Variants in CSMD1 observed in about 807,000 individuals in gnomAD.
The protein encoded by CSMD1 is CUB and sushi domain-containing protein 1.
In CSMD1, 213 loss-of-function variants were observed where a neutral mutation model predicts 417.5. That is an observed-to-expected ratio of 0.51 (90% CI 0.46 to 0.57). CSMD1 has a LOEUF of 0.57. Ranked by LOEUF, CSMD1 falls within the 20% of genes least tolerant of loss-of-function variation. The probability of loss-of-function intolerance (pLI) is 0.00; values close to 1 mark genes in which losing one functional copy is unlikely to be tolerated. For missense variants in CSMD1, 6,923 were observed against 4,529.7 expected, an observed-to-expected ratio of 1.53 and a Z score of -15.17; for synonymous variants, 2,862 against 1,736.8, an observed-to-expected ratio of 1.65 and a Z score of -16.11.
At chr8:4,847,844 T>C (rs965010726) in intron 1 of CSMD1, among the ~76,000 whole-genome samples, 2 of 151,896 alleles carry the variant, frequency 1.3e-5, no homozygotes, top group Admixed American at 6.6e-5. Context: ...AAAGTATAAA[T>C]TTCAGTGTTT....
At chr8:4,629,644 C>T (rs1158438532) in intron 2 of CSMD1, among the ~76,000 whole-genome samples, 1 of 152,092 alleles carries the variant, frequency 6.6e-6, no homozygotes, top group African/African-American at 2.4e-5. Flanking sequence ...ACGTGTCCTG[C>T]CTAGAAAGAC....
chr8:3,382,601 T>C (rs1166781290), intron 18 of CSMD1, among the ~76,000 whole-genome samples: 1 of 142,124 alleles, frequency 7.0e-6, no homozygotes, highest in African/African-American at 2.5e-5. Context: ...TATCTCTATA[T>C]AATATATAAT....
At chr8:4,719,302 T>C (rs984438482) in intron 1 of CSMD1, among the ~76,000 whole-genome samples, 1 of 152,218 alleles carries the variant, frequency 6.6e-6, no homozygotes, top group Non-Finnish European at 1.5e-5. Flanking sequence ...AAATGAAGCC[T>C]AATAAGAAAT....
chr8:3,319,189 G>A (rs940912314), intron 23 of CSMD1, among the ~76,000 whole-genome samples: 1 of 152,128 alleles, frequency 6.6e-6, no homozygotes, highest in African/African-American at 2.4e-5. Flanking sequence ...TCAAAAAAAT[G>A]AAACTCACAT....
At chr8:4,753,060 C>T (rs1049290742) in intron 1 of CSMD1, among the ~76,000 whole-genome samples, 6 of 152,152 alleles carry the variant, frequency 3.9e-5, no homozygotes, top group Non-Finnish European at 5.9e-5. Flanking sequence ...TACTTTATCT[C>T]ATTTAACCCT....
At chr8:4,769,577 C>A (rs1300263600) in intron 1 of CSMD1, among the ~76,000 whole-genome samples, 2 of 152,050 alleles carry the variant, frequency 1.3e-5, no homozygotes, top group Non-Finnish European at 2.9e-5. Flanking sequence ...GCCAATGTTG[C>A]AAAATAAGCA....
At chr8:3,588,686 T>C (rs1436448091) in intron 8 of CSMD1, among the ~76,000 whole-genome samples, 3 of 151,968 alleles carry the variant, frequency 2.0e-5, no homozygotes, top group African/African-American at 4.8e-5. Flanking sequence ...TCAATAAGCC[T>C]AAACCCCCAA....
In CSMD1 at chr8:3,382,890, T is replaced by G. The variant is rs550315142; in HGVS notation, c.2782+4604A>C. Among the ~76,000 whole-genome samples the G allele has an allele frequency of 1.2e-4, 19 of 152,236 alleles. No homozygotes were observed. In the South Asian group the frequency reaches 2.5e-3, roughly 20 times the overall value. On this transcript the variant is annotated intron_variant, in intron 18 of 69. Coordinates refer to ENST00000635120, the MANE Select transcript of CSMD1 (RefSeq NM_033225.6). ...TTACTGTTTCTGGATTTCTTTAGTT[T>G]TCCAAGATTTAAAAACTAAGATTTC... is the stretch of plus-strand genomic sequence containing the variant.
intron 1 of CSMD1, among the ~76,000 whole-genome samples, chr8:4,678,549 G>A (rs1242199034): frequency 6.6e-6 from 1 of 152,070 alleles, no homozygotes; most frequent in African/African-American, 2.4e-5. Flanking sequence ...CAATAATTCT[G>A]CTTTTTGATG....
intron 3 of CSMD1, among the ~76,000 whole-genome samples, chr8:4,391,388 G>A (rs565308531): frequency 5.3e-5 from 8 of 152,144 alleles, no homozygotes; most frequent in Non-Finnish European, 7.3e-5. Context: ...AAAAAGTGAT[G>A]TAAGACTTTG....
chr8:4,035,432 A>G (rs1465603343), intron 3 of CSMD1, among the ~76,000 whole-genome samples: 2 of 152,184 alleles, frequency 1.3e-5, no homozygotes, highest in Non-Finnish European at 2.9e-5. Context: ...AACCTTAGTC[A>G]GGTCCTTCAG....
At chr8:3,793,659 A>G (rs2623685) in intron 5 of CSMD1, among the ~76,000 whole-genome samples, 76,560 of 151,834 alleles carry the variant, frequency 0.5, 20,036 homozygotes, top group East Asian at 0.68. Context: ...ATGATCTCTC[A>G]GCATTTGTAA....
At chr8:3,102,681 T>C (rs1815843805) in intron 46 of CSMD1, among the ~76,000 whole-genome samples, 1 of 152,170 alleles carries the variant, frequency 6.6e-6, no homozygotes, top group Admixed American at 6.5e-5. Flanking sequence ...ATAACAACTG[T>C]TTCCATACTA....
intron 5 of CSMD1, among the ~76,000 whole-genome samples, chr8:3,997,066 C>A (rs903797235): frequency 1.3e-5 from 2 of 152,178 alleles, no homozygotes; most frequent in South Asian, 4.1e-4. Context: ...TTTCAACATA[C>A]CCATTCTTGT....
intron 6 of CSMD1, among the ~76,000 whole-genome samples, chr8:3,739,257 A>C (rs1391558142): frequency 1.3e-5 from 2 of 152,188 alleles, no homozygotes; most frequent in African/African-American, 4.8e-5. Context: ...ATCCTTTGAA[A>C]CTTCTGACAA....
chr8:3,567,941 G>A (rs1039557047), intron 10 of CSMD1, among the ~76,000 whole-genome samples: 3 of 152,044 alleles, frequency 2.0e-5, no homozygotes, highest in South Asian at 2.1e-4. Context: ...CATGGACGCC[G>A]GAGATGGAAA....
At chr8:3,480,178 G>C (rs1453441370) in intron 11 of CSMD1, among the ~76,000 whole-genome samples, 7 of 151,962 alleles carry the variant, frequency 4.6e-5, no homozygotes, top group Non-Finnish European at 1.0e-4. Flanking sequence ...GGGCAACACG[G>C]TGAAACCCCA....
intron 11 of CSMD1, among the ~76,000 whole-genome samples, chr8:3,471,252 G>C (rs1415493048): frequency 1.3e-5 from 2 of 151,998 alleles, no homozygotes; most frequent in Non-Finnish European, 2.9e-5. Context: ...TTGTCTCATG[G>C]GTTTATTTGC....
intron 10 of CSMD1, among the ~76,000 whole-genome samples, chr8:3,563,991 A>C (rs1182268392): frequency 6.6e-6 from 1 of 152,158 alleles, no homozygotes; most frequent in Non-Finnish European, 1.5e-5. Flanking sequence ...ACGATCATTA[A>C]AGTTCTGTCT....
Sources: gnomAD v4.1 joint callset for allele counts (sites outside exome capture counted in the v4.1 genomes callset) on GRCh38, gnomAD v4.1.1 for gene constraint, MANE v1.5 for transcripts, NCBI Gene and HGNC (gene_info 2026-07-23, HGNC 2026-07-21) for gene names.